NVL: variants seen among roughly 807,000 people sequenced by gnomAD.
The protein encoded by NVL is nuclear valosin-containing protein-like.
Under a neutral mutation model 110.2 loss-of-function variants are expected in NVL, and 84 were observed. The ratio of observed to expected loss-of-function variants is 0.76; its 90% CI spans 0.64 to 0.91. NVL has a LOEUF of 0.91. Ranked by LOEUF, NVL falls within the 40% of genes least tolerant of loss-of-function variation. NVL has a pLI of 0.00. For missense variants in NVL, 882 were observed against 1,035.9 expected (o/e 0.85, Z 2.04); for synonymous variants, 354 against 361.1 (o/e 0.98, Z 0.22).
chr1:224,254,777 C>T (rs932636714), intron 18 of NVL, among the ~76,000 whole-genome samples: 7 of 151,600 alleles, frequency 4.6e-5, no homozygotes, highest in Non-Finnish European at 1.0e-4. Flanking sequence ...CTGACACAGG[C>T]ATTACCTCAT....
intron 12 of NVL, 115 bp downstream of exon 12, chr1:224,294,152 T>C: frequency 1.8e-6 from 2 of 1,139,356 alleles, no homozygotes; most frequent in Non-Finnish European, 2.5e-6. Context: ...ATTTAATTGG[T>C]ACAAAAAGAA....
chr1:224,309,306 GC>G (rs1318409603), intron 5 of NVL, among the ~76,000 whole-genome samples: 1 of 152,000 alleles, frequency 6.6e-6, no homozygotes, highest in Non-Finnish European at 1.5e-5. Flanking sequence ...ACTGCTTGAG[GC>G]CTAGAGTTCG....
chr1:224,299,114 C>A (rs573471907), intron 10 of NVL, among the ~76,000 whole-genome samples: 1 of 152,266 alleles, frequency 6.6e-6, no homozygotes, highest in South Asian at 2.1e-4. Flanking sequence ...ACCATGGGAA[C>A]AACCACATCT....
At chr1:224,242,507 A>G (rs1281091577) in intron 19 of NVL, among the ~76,000 whole-genome samples, 1 of 27,464 alleles carries the variant, frequency 3.6e-5, no homozygotes, top group Non-Finnish European at 8.2e-5. Context: ...TTTTTTTTTG[A>G]GACGGAGTCT....
chr1:224,282,554 A>C (rs944688121), intron 15 of NVL, among the ~76,000 whole-genome samples: 1 of 152,242 alleles, frequency 6.6e-6, no homozygotes, highest in African/African-American at 2.4e-5. Context: ...TATGTGTAGA[A>C]GAGTCTAAGA....
intron 4 of NVL, chr1:224,312,508 T>G (rs1669620761): frequency 1.3e-5 from 2 of 152,232 alleles, no homozygotes. Context: ...ACTGCTAGTA[T>G]TTAATACTTC....
intron 12 of NVL, among the ~76,000 whole-genome samples, chr1:224,292,597 C>T (rs1396371283): frequency 6.6e-6 from 1 of 152,138 alleles, no homozygotes; most frequent in Non-Finnish European, 1.5e-5. Context: ...ATACCCTGGA[C>T]CTCGTCATCA....
chr1:224,233,216 T>C lies in NVL; in HGVS notation c.2440A>G (p.Ser814Gly), dbSNP rs751246154. ...AGAATTGTACCTTTTTCATTTCCAC[T>C]CTTCTGTCTTGCCATTTCCTGTCTC... ...ALRQEMARQK[S>G]GNEKGELKVS... Residue 814 changes from serine (S) to glycine (G), a missense_variant, in exon 21 of 23, where the codon AGT (serine) becomes GGT (glycine). Physicochemically the swap from Ser to Gly is moderately conservative, Grantham distance 56. Around this residue, in one of 4 missense-constraint regions of NVL, gnomAD observed 126 missense variants for 140.7 expected, o/e 0.90. Coordinates refer to ENST00000281701, the MANE Select transcript of NVL (RefSeq NM_002533.4). The C allele has an allele frequency of 7.1e-5, 115 of 1,612,304 alleles. No individual in the cohort carries two copies. Among genetic ancestry groups the C allele is most frequent in the Non-Finnish European group, 8.6e-5 (101 of 1,179,400 alleles).
Position 224,330,150 on chromosome 1 carries a change from G to A in NVL, c.-23C>T. 2 of 1,613,458 alleles carry A rather than the reference G, an allele frequency of 1.2e-6. No individual in the cohort carries two copies. The highest frequency in any genetic ancestry group is 1.1e-5 in the South Asian group (1 of 91,070). ...CATCGCGTCGGTCTTCCAAGCCACA[G>A]CTCGGACCGCCAGCTCCTAGTCAAC... On this transcript the variant is annotated 5_prime_UTR_variant, in exon 1 of 23. Coordinates refer to ENST00000281701, the MANE Select transcript of NVL (RefSeq NM_002533.4).
intron 2 of NVL, among the ~76,000 whole-genome samples, chr1:224,323,472 C>G (rs1670852182): frequency 6.6e-6 from 1 of 152,132 alleles, no homozygotes; most frequent in African/African-American, 2.4e-5. Context: ...ACTTATGGAT[C>G]CAGTCAGCCA....
chr1:224,260,237 T>C lies in NVL; in HGVS notation c.2182+7797A>G, dbSNP rs114307520. ...TCTTAGTACAATGAAATAAATACCT[T>C]CTCTGTGAGTCATCCACTCTTTCAT... On this transcript the variant is annotated intron_variant, in intron 18 of 22. Coordinates refer to ENST00000281701, the MANE Select transcript of NVL (RefSeq NM_002533.4). Among the ~76,000 whole-genome samples, 549 of 152,254 alleles carry C rather than the reference T, an allele frequency of 3.6e-3. 7 individuals carry two copies. The highest frequency in any genetic ancestry group is 0.012 in the African/African-American group (518 of 41,548).
rs531415133 is a variant in NVL at position 224,294,792 on chromosome 1, G to A, written c.1181-381C>T. Among the ~76,000 whole-genome samples the A allele has an allele frequency of 8.5e-5, 13 of 152,166 alleles. No individual in the cohort carries two copies. In the South Asian group the frequency reaches 2.1e-3, roughly 24 times the overall value. On this transcript the variant is annotated intron_variant, in intron 11 of 22. Transcript: ENST00000281701. The stretch of plus-strand genomic sequence containing the variant: ...GTAACATTTCAGAAAAGGCTTGAAG[G>A]GTAAATACAATTTTAACAAGCAGAT...
At chr1:224,316,740 CA>C (rs1265143909) in intron 4 of NVL, among the ~76,000 whole-genome samples, 1 of 150,848 alleles carries the variant, frequency 6.6e-6, no homozygotes, top group Non-Finnish European at 1.5e-5. Flanking sequence ...CAAAGCGGAA[CA>C]AGAAGACTTT....
chr1:224,306,695 G>A (rs1214300623), intron 6 of NVL, among the ~76,000 whole-genome samples: 1 of 152,118 alleles, frequency 6.6e-6, no homozygotes, highest in African/African-American at 2.4e-5. Context: ...AGCCAGGTGT[G>A]GTGGTGGGCA....
chr1:224,308,108 G>A lies in NVL; in HGVS notation c.498C>T (p.Ala166=). The change falls in exon 6 of 23, where the codon GCC becomes GCT. Residue 166 remains alanine (A), a synonymous_variant. Coordinates refer to ENST00000281701, the MANE Select transcript of NVL (RefSeq NM_002533.4). ...KTGSIPLKTP[A]KDSEGGWFID... is the part of the protein sequence containing the mutation. ...TAAACCATCCTCCTTCAGAATCTTT[G>A]GCAGGGGTCTTCAAGGGAATGGAGC... 1 of 1,613,618 alleles carries A rather than the reference G, an allele frequency of 6.2e-7. No homozygotes were observed. The highest frequency in any genetic ancestry group is 8.5e-7 in the Non-Finnish European group (1 of 1,179,888).
Position 224,281,196 on chromosome 1 carries a change from G to C in NVL, c.1900-11C>G. ...CTCATTTGCAACAGCCTAGCAAGAG[G>C]AAACAAAAAGACACAAATAAGACCA... On this transcript the variant is annotated splice_polypyrimidine_tract_variant and intron_variant, in intron 15 of 22. Transcript: ENST00000281701. 1 of 1,609,728 alleles carries C rather than the reference G, an allele frequency of 6.2e-7. No individual in the cohort carries two copies. Among genetic ancestry groups the C allele is most frequent in the South Asian group, 1.1e-5 (1 of 90,944 alleles).
intron 18 of NVL, among the ~76,000 whole-genome samples, chr1:224,255,990 T>C (rs927411124): frequency 6.6e-6 from 1 of 152,252 alleles, no homozygotes; most frequent in South Asian, 2.1e-4. Flanking sequence ...CATTCTCCAC[T>C]GCATTGCCTT....
chr1:224,248,011 G>A (rs1662050326), intron 19 of NVL, among the ~76,000 whole-genome samples: 1 of 152,154 alleles, frequency 6.6e-6, no homozygotes, highest in African/African-American at 2.4e-5. Context: ...CACCAGCTAT[G>A]TCCTGAAGAC....
rs1659323959 is a variant in NVL at position 224,227,591 on chromosome 1, A to G, written c.*35T>C. The stretch of plus-strand genomic sequence containing the variant: ...GTGTGGGGGATTCTCTGCCGGCTTG[A>G]TGGGCTAGCTCCTCTAAGCCGGCTG... On this transcript the variant is annotated 3_prime_UTR_variant, in exon 23 of 23. Transcript: ENST00000281701. 3 of 1,594,060 alleles carry G rather than the reference A, an allele frequency of 1.9e-6. No individual in the cohort carries two copies. The highest frequency in any genetic ancestry group is 2.2e-5 in the South Asian group (2 of 89,606).
Sources: gnomAD v4.1 joint callset for allele counts (sites outside exome capture counted in the v4.1 genomes callset) on GRCh38, gnomAD v4.1.1 for gene constraint, gnomAD v4.1.1 regional missense constraint, MANE v1.5 for transcripts, NCBI Gene and HGNC (gene_info 2026-07-23, HGNC 2026-07-21) for gene names.